Variants in SHROOM3 observed in about 807,000 individuals in gnomAD.
SHROOM3 encodes shroom family member 3, also known as protein Shroom3.
A neutral mutation model predicts 138.6 loss-of-function variants in SHROOM3; 47 were observed. That is an observed-to-expected ratio of 0.34 (90% CI 0.27 to 0.43). The LOEUF (loss-of-function observed/expected upper bound fraction) is 0.43, where lower values mean the gene tolerates loss of function less well. Ranked by LOEUF, SHROOM3 falls within the 20% of genes least tolerant of loss-of-function variation. SHROOM3 has a pLI of 1.00. For missense variants in SHROOM3, 2,491 were observed against 2,596.5 expected (o/e 0.96, Z 0.88); for synonymous variants, 1,062 against 1,063.3 (o/e 1.00, Z 0.02).
chr4:76,725,140 C>T (rs1720666803), intron 3 of SHROOM3, among the ~76,000 whole-genome samples: 4 of 151,382 alleles, frequency 2.6e-5, no homozygotes, highest in Admixed American at 2.6e-4. Flanking sequence ...ATTTGCTTCC[C>T]CCTCCCCACC....
chr4:76,760,120 T>A (rs552307478), intron 9 of SHROOM3, among the ~76,000 whole-genome samples: 3 of 152,330 alleles, frequency 2.0e-5, no homozygotes, highest in Non-Finnish European at 4.4e-5. Flanking sequence ...AAACTTTTTT[T>A]AGGGAAGGAG....
intron 6 of SHROOM3, 135 bp from the exon 7 acceptor site, chr4:76,754,174 CAG>C: frequency 3.6e-6 from 4 of 1,100,448 alleles, no homozygotes; most frequent in East Asian, 2.4e-5. Flanking sequence ...CCAGGGAAGA[CAG>C]TGTGCAGTTT....
At chr4:76,484,288 T>C (rs957646553) in intron 1 of SHROOM3, among the ~76,000 whole-genome samples, 6 of 152,014 alleles carry the variant, frequency 3.9e-5, no homozygotes, top group African/African-American at 1.5e-4. Flanking sequence ...AAAATAGGTC[T>C]GGGCCAGGTG....
intron 2 of SHROOM3, among the ~76,000 whole-genome samples, chr4:76,662,090 T>G (rs1718518407): frequency 6.6e-6 from 1 of 152,194 alleles, no homozygotes; most frequent in Non-Finnish European, 1.5e-5. Context: ...CTCACAATAC[T>G]CTAGGTCACG....
At position 76,678,652 on chromosome 4, in the gene SHROOM3, C is replaced by G. The variant is rs1719105581; in HGVS notation, c.324-31504C>G. Among the ~76,000 whole-genome samples the G allele has an allele frequency of 2.0e-5, 3 of 152,032 alleles. No individual in the cohort carries two copies. In the South Asian group the frequency reaches 6.2e-4, roughly 32 times the overall value. ...AGACATGAAGTGCCAAATCAATAAGCAATTTTATTTTTTATTTATTTTTTT... is the reference window on the plus strand; with the variant it reads ...AGACATGAAGTGCCAAATCAATAAGGAATTTTATTTTTTATTTATTTTTTT... On this transcript the variant is annotated intron_variant, in intron 2 of 10. Transcript: ENST00000296043.
intron 2 of SHROOM3, among the ~76,000 whole-genome samples, chr4:76,693,239 A>G (rs1430889155): frequency 1.3e-5 from 2 of 152,132 alleles, no homozygotes; most frequent in African/African-American, 2.4e-5. Context: ...TAAATATAAT[A>G]TGTGATTTTG....
At chr4:76,645,611 G>A (rs1735796522) in intron 2 of SHROOM3, 1 of 152,174 alleles carries the variant, frequency 6.6e-6, no homozygotes, top group Non-Finnish European at 1.5e-5. Context: ...TTTGCTTTGT[G>A]TGGGTTTTTG....
chr4:76,772,759 C>A (rs1420730396), intron 10 of SHROOM3, among the ~76,000 whole-genome samples: 1 of 152,146 alleles, frequency 6.6e-6, no homozygotes, highest in Non-Finnish European at 1.5e-5. Flanking sequence ...AAAACACAGG[C>A]CCTGCTCTCC....
chr4:76,730,994 A>C (rs1720864853), intron 4 of SHROOM3, 59 bp downstream of exon 4: 2 of 1,604,156 alleles, frequency 1.2e-6, no homozygotes, highest in African/African-American at 2.7e-5. Context: ...TGTTCCCAGA[A>C]AAGAATGTTT....
intron 1 of SHROOM3, among the ~76,000 whole-genome samples, chr4:76,469,066 G>A (rs1372335752): frequency 6.6e-6 from 1 of 151,674 alleles, no homozygotes; most frequent in East Asian, 1.9e-4. Context: ...GCCGGACATG[G>A]TGGTGTACAC....
At chr4:76,731,859 G>A (rs1229441374) in intron 4 of SHROOM3, among the ~76,000 whole-genome samples, 1 of 151,886 alleles carries the variant, frequency 6.6e-6, no homozygotes, top group East Asian at 1.9e-4. Context: ...CAACTGATCA[G>A]TACCCAAGTC....
At chr4:76,609,647 G>A (rs535770597) in intron 2 of SHROOM3, among the ~76,000 whole-genome samples, 54 of 152,254 alleles carry the variant, frequency 3.5e-4, no homozygotes, top group African/African-American at 1.2e-3. Context: ...AACAAATTAC[G>A]TTGTAAACTC....
At chr4:76,451,411 G>T (rs111611553) in intron 1 of SHROOM3, among the ~76,000 whole-genome samples, 96 of 152,240 alleles carry the variant, frequency 6.3e-4, no homozygotes, top group African/African-American at 2.3e-3. Flanking sequence ...AAGAAAGCAG[G>T]CACAACAACG....
At position 76,636,787 on chromosome 4, in the gene SHROOM3, T is replaced by C. The variant is rs144943794; in HGVS notation, c.324-73369T>C. On this transcript the variant is annotated intron_variant, in intron 2 of 10. Transcript: ENST00000296043. ...TAATGGGATGACATCCTGGCTAGGGTTGGTAACCACCTTTCACCCTGAGCT... is the reference window on the plus strand; with the variant it reads ...TAATGGGATGACATCCTGGCTAGGGCTGGTAACCACCTTTCACCCTGAGCT... 5.0e-3 allele frequency among the ~76,000 whole-genome samples: 760 copies of C among 152,312 alleles called. 2 individuals are homozygous for C. The highest frequency in any genetic ancestry group is 7.6e-3 in the Admixed American group (117 of 15,296).
intron 2 of SHROOM3, among the ~76,000 whole-genome samples, chr4:76,646,858 T>C (rs1441803201): frequency 6.6e-6 from 1 of 152,186 alleles, no homozygotes; most frequent in African/African-American, 2.4e-5. Context: ...GAAAATAGTA[T>C]GGCAATTTCT....
chr4:76,534,466 C>T lies in SHROOM3; in HGVS notation c.169-21143C>T, dbSNP rs533475193. 2.8e-4 allele frequency among the ~76,000 whole-genome samples: 43 copies of T among 152,124 alleles called. No individual in the cohort carries two copies. The South Asian group carries it at 7.5e-3, about 26-fold the overall frequency. On this transcript the variant is annotated intron_variant, in intron 1 of 10. Transcript: ENST00000296043. ...ACAGGGACTCCCACTTTTTGAGCTC[C>T]GTAGCACATCTGATGCAAAGCAGTT...
intron 2 of SHROOM3, among the ~76,000 whole-genome samples, chr4:76,705,158 A>C (rs1449833059): frequency 6.6e-6 from 1 of 152,222 alleles, no homozygotes. Context: ...TTCAGAAAGC[A>C]GTTAATGGGT....
chr4:76,695,886 A>C (rs1719712037), intron 2 of SHROOM3, among the ~76,000 whole-genome samples: 1 of 152,242 alleles, frequency 6.6e-6, no homozygotes, highest in African/African-American at 2.4e-5. Context: ...GACCCATCGA[A>C]GAAGCCCCTC....
intron 2 of SHROOM3, among the ~76,000 whole-genome samples, chr4:76,615,784 G>A (rs866460513): frequency 9.8e-5 from 15 of 152,304 alleles, no homozygotes; most frequent in Middle Eastern, 3.4e-3. Flanking sequence ...ACTGGGATTT[G>A]AGTTTTGATC....
Sources: allele counts gnomAD v4.1 joint callset (sites outside exome capture counted in the v4.1 genomes callset), GRCh38; gene constraint gnomAD v4.1.1; transcripts MANE v1.5; gene names NCBI Gene and HGNC (gene_info 2026-07-23, HGNC 2026-07-21).